Variants in RBBP8 observed in about 807,000 individuals in gnomAD.
RBBP8 encodes the protein RB binding protein 8, endonuclease.
RBBP8 carries 88 observed loss-of-function variants against 108.3 expected under a neutral mutation model. That is an observed-to-expected ratio of 0.81 (90% confidence interval 0.68 to 0.97). The LOEUF (loss-of-function observed/expected upper bound fraction) is 0.97. RBBP8 is among the 50% of genes least tolerant of loss of function. RBBP8 has a pLI of 0.00. For missense variants in RBBP8, 1,023 were observed against 1,049.0 expected, an observed-to-expected ratio of 0.98 and a Z score of 0.34; for synonymous variants, 332 against 348.2, an observed-to-expected ratio of 0.95 and a Z score of 0.52.
At chr18:22,965,025 G>A (rs1913451530) in intron 4 of RBBP8, among the ~76,000 whole-genome samples, 1 of 151,980 alleles carries the variant, frequency 6.6e-6, no homozygotes, top group South Asian at 2.1e-4. Flanking sequence ...CAGTGAGGGG[G>A]AAAAATTAGC....
chr18:22,985,026 A>C (rs373454025), intron 8 of RBBP8, 36 bp downstream of exon 8: 1 of 1,607,978 alleles, frequency 6.2e-7, no homozygotes. Flanking sequence ...ACAAGTTTAA[A>C]ATTGTGGTTA....
Position 22,964,615 on chromosome 18 carries a change from A to G in RBBP8, c.249-4191A>G, listed in dbSNP as rs1913409795. 4.0e-5 allele frequency among the ~76,000 whole-genome samples: 6 copies of G among 150,392 alleles called. No individual in the cohort carries two copies. The South Asian group carries it at 1.3e-3, about 31-fold the overall frequency. ...CTTCTATTTGTAGTTCTTTCTTAAT[A>G]TTTTTAATTTTTAATTTTTATTTTA... is the stretch of plus-strand genomic sequence containing the variant. On this transcript the variant is annotated intron_variant, in intron 4 of 18. Transcript: ENST00000327155.
At chr18:22,915,354 G>C (rs1316489098) in intron 1 of RBBP8, 1 of 152,000 alleles carries the variant, frequency 6.6e-6, no homozygotes, top group African/African-American at 2.4e-5. Context: ...AGTTTCCTTA[G>C]GATGTTGACA....
At chr18:23,013,486 A>G (rs2046204839) in intron 16 of RBBP8, among the ~76,000 whole-genome samples, 1 of 152,140 alleles carries the variant, frequency 6.6e-6, no homozygotes, top group African/African-American at 2.4e-5. Context: ...AATACCTCAC[A>G]CCCCAAGGTT....
At chr18:22,933,022 A>C (rs1177408892), upstream of RBBP8, among the ~76,000 whole-genome samples, 1 of 152,194 alleles carries the variant, frequency 6.6e-6, no homozygotes, top group Non-Finnish European at 1.5e-5. Context: ...GGTACAGGTC[A>C]CTCTACACAT....
chr18:22,952,685 C>T (rs952386296), intron 4 of RBBP8, among the ~76,000 whole-genome samples: 1 of 152,168 alleles, frequency 6.6e-6, no homozygotes, highest in African/African-American at 2.4e-5. Context: ...CTCACCCTTT[C>T]CCAGGTCAGC....
chr18:22,978,400 T>A (rs558041660), intron 6 of RBBP8, among the ~76,000 whole-genome samples: 31 of 152,322 alleles, frequency 2.0e-4, no homozygotes, highest in Non-Finnish European at 2.5e-4. Context: ...TTTTAAAGGA[T>A]GAACTTGGTT....
intron 16 of RBBP8, among the ~76,000 whole-genome samples, chr18:23,007,994 A>G (rs184134684): frequency 1.7e-3 from 263 of 151,876 alleles, no homozygotes; most frequent in Non-Finnish European, 2.4e-3. Flanking sequence ...TTGTATTTTT[A>G]GTAGAGACAG....
chr18:23,025,195 C>T (rs537418486), intron 18 of RBBP8, among the ~76,000 whole-genome samples: 2 of 152,004 alleles, frequency 1.3e-5, no homozygotes, highest in African/African-American at 4.8e-5. Flanking sequence ...GTGGAGGCTG[C>T]AGTGAGCCGT....
intron 3 of RBBP8, 124 bp downstream of exon 3, chr18:22,946,610 A>C: frequency 2.1e-6 from 3 of 1,417,500 alleles, no homozygotes; most frequent in Non-Finnish European, 2.8e-6. Context: ...ATTTATAAAA[A>C]AAATTAGCCC....
intron 4 of RBBP8, among the ~76,000 whole-genome samples, chr18:22,956,489 C>T (rs75803140): frequency 1.4e-4 from 22 of 152,270 alleles, no homozygotes; most frequent in South Asian, 2.1e-4. Context: ...GCAAGCACCA[C>T]GCCATGCCTG....
intron 4 of RBBP8, among the ~76,000 whole-genome samples, chr18:22,963,450 T>C (rs1913291515): frequency 6.6e-6 from 1 of 152,230 alleles, no homozygotes; most frequent in Admixed American, 6.5e-5. Flanking sequence ...CTTAGTGTTC[T>C]TACCAACCAC....
chr18:22,927,541 T>A (rs1567938802), intron 3 of RBBP8, among the ~76,000 whole-genome samples: 1 of 152,208 alleles, frequency 6.6e-6, no homozygotes, highest in Non-Finnish European at 1.5e-5. Flanking sequence ...TGAGAACTTA[T>A]AATGTGGCTA....
intron 2 of RBBP8, 24 bp downstream of exon 2, chr18:22,936,984 A>G (rs1910628741): frequency 6.2e-7 from 1 of 1,613,126 alleles, no homozygotes; most frequent in African/African-American, 1.3e-5. Flanking sequence ...TTAAATACTT[A>G]CAGCAGTATT....
At chr18:23,001,543 CA>C (rs1412417127) in intron 14 of RBBP8, 42 bp from the exon 15 acceptor site, 2 of 1,612,780 alleles carry the variant, frequency 1.2e-6, no homozygotes, top group Non-Finnish European at 1.7e-6. Flanking sequence ...ACATATTAAG[CA>C]AAAGCTTGCT....
chr18:23,026,140 A>T lies in RBBP8; in HGVS notation c.2597-3A>T. On this transcript the variant is annotated splice_polypyrimidine_tract_variant and splice_region_variant and intron_variant, in intron 18 of 18. Transcript: ENST00000327155. ...TCTTCTAAGTTTATGATTTGTTTTT[A>T]AGGTTATATTAAGGAAGATCTTGAT... The T allele has an allele frequency of 6.2e-7, 1 of 1,608,420 alleles. No individual in the cohort carries two copies.
intron 15 of RBBP8, among the ~76,000 whole-genome samples, chr18:23,006,040 G>T (rs2046038550): frequency 6.6e-6 from 1 of 151,964 alleles, no homozygotes; most frequent in Non-Finnish European, 1.5e-5. Context: ...CAAAAGATTA[G>T]CCCGGCATGG....
chr18:22,939,554 A>G (rs982712063), intron 2 of RBBP8, among the ~76,000 whole-genome samples: 3 of 152,178 alleles, frequency 2.0e-5, no homozygotes, highest in Admixed American at 1.3e-4. Flanking sequence ...TCCCATGGTA[A>G]GTTTAGTTTC....
intron 2 of RBBP8, among the ~76,000 whole-genome samples, chr18:22,940,510 C>T (rs567119283): frequency 1.5e-4 from 23 of 151,796 alleles, no homozygotes; most frequent in Admixed American, 1.4e-3. Flanking sequence ...TTAGTAGAGA[C>T]GGGGTTTCAC....
Sources: allele counts gnomAD v4.1 joint callset (sites outside exome capture counted in the v4.1 genomes callset), GRCh38; gene constraint gnomAD v4.1.1; transcripts MANE v1.5; gene names NCBI Gene and HGNC (gene_info 2026-07-23, HGNC 2026-07-21).